Variants in HPGD observed in about 807,000 individuals in gnomAD.
HPGD encodes 15-hydroxyprostaglandin dehydrogenase [NAD(+)].
In HPGD, 29 loss-of-function variants were observed where a neutral mutation model predicts 30.0. The observed-to-expected ratio is 0.97, with a 90% CI of 0.72 to 1.32. The LOEUF is 1.32. Among genes scored for constraint, HPGD ranks in the 40% most tolerant of loss-of-function variants. The pLI, the probability that HPGD is intolerant of heterozygous loss-of-function variation, is 0.00. For missense variants in HPGD, 340 were observed against 322.1 expected, an observed-to-expected ratio of 1.06 and a Z score of -0.43; for synonymous variants, 99 against 112.4, an observed-to-expected ratio of 0.88 and a Z score of 0.75.
chr4:174,491,581 T>A lies in HPGD; in HGVS notation c.*375A>T, dbSNP rs1734346282. ...TGAACTTGTATGTGAGTGTTTTACA[T>A]CTGGTTTGATTTAAATAACAATTCA... On this transcript the variant is annotated 3_prime_UTR_variant, in exon 7 of 7. Transcript: ENST00000296522. 5.1e-6 allele frequency: 1 copy of A among 197,020 alleles called. No individual in the cohort carries two copies. The highest frequency in any genetic ancestry group is 1.1e-5 in the Non-Finnish European group (1 of 94,504). 12.2% of individuals were successfully genotyped at this position (197,020 alleles called of 1,614,324 possible). A position where few individuals can be genotyped will look rare whatever the true frequency, so the allele number is the denominator to read the frequency against.
At chr4:174,516,384 G>A (rs1249808943) in intron 3 of HPGD, among the ~76,000 whole-genome samples, 1 of 152,092 alleles carries the variant, frequency 6.6e-6, no homozygotes, top group Non-Finnish European at 1.5e-5. Flanking sequence ...ATTAATGCAG[G>A]AACAGAAAAT....
In HPGD at chr4:174,508,707, G is replaced by A. The variant is rs777346797; in HGVS notation, c.410C>T (p.Ser137Leu). 4 of 1,592,566 alleles carry A rather than the reference G, an allele frequency of 2.5e-6. No individual in the cohort carries two copies. The highest frequency in any genetic ancestry group is 1.1e-5 in the South Asian group (1 of 90,640). Residue 137 changes from serine (S) to leucine (L), a missense_variant, in exon 4 of 7, where the codon TCA becomes TTA. Coordinates refer to ENST00000296522, the MANE Select transcript of HPGD (RefSeq NM_000860.6). ...ATAATTGCCCTTACCTGCTAAAGAT[G>A]ACATATTGATAATGATGCCGCCTTC... is the stretch of plus-strand genomic sequence containing the variant. ...GGEGGIIINMSSLAGLMPVAQ... is the reference protein window; with the variant it reads ...GGEGGIIINMLSLAGLMPVAQ...
rs1192086009 is a variant in HPGD at position 174,492,607 on chromosome 4, G to A, written c.663-513C>T. ...GTTGTATTATCTCTATTTTATATGT[G>A]AGAAAATTGAAGCATCTAGAGGTAT... is the stretch of plus-strand genomic sequence containing the variant. On this transcript the variant is annotated intron_variant, in intron 6 of 6. Coordinates refer to ENST00000296522, the MANE Select transcript of HPGD (RefSeq NM_000860.6). The surrounding 1 kb of genome is among the most constrained non-coding windows in gnomAD (Gnocchi z 4.9). Among the ~76,000 whole-genome samples the A allele has an allele frequency of 6.6e-6, 1 of 151,960 alleles. No individual in the cohort carries two copies. The highest frequency in any genetic ancestry group is 1.5e-5 in the Non-Finnish European group (1 of 67,904).
intron 4 of HPGD, 129 bp from the exon 5 acceptor site, chr4:174,495,753 A>G: frequency 1.4e-6 from 1 of 721,642 alleles, no homozygotes; most frequent in South Asian, 1.5e-5. Context: ...ACACAGTAAC[A>G]TAAAACCAGA....
intron 3 of HPGD, among the ~76,000 whole-genome samples, chr4:174,511,889 G>A (rs982201130): frequency 2.6e-5 from 4 of 152,048 alleles, no homozygotes; most frequent in Admixed American, 2.0e-4. Context: ...CTTGTGATCC[G>A]CCCGCCTCGG....
intron 2 of HPGD, 58 bp from the exon 3 acceptor site, chr4:174,518,135 T>G: frequency 1.2e-6 from 1 of 850,788 alleles, no homozygotes; most frequent in Non-Finnish European, 2.0e-6. Flanking sequence ...TACATTTAAA[T>G]CATGTCCTAT....
At chr4:174,521,282 T>G (rs2110885741) in intron 2 of HPGD, among the ~76,000 whole-genome samples, 1 of 152,180 alleles carries the variant, frequency 6.6e-6, no homozygotes, top group South Asian at 2.1e-4. Flanking sequence ...GCCAATATTG[T>G]CCCTGATACT....
chr4:174,501,893 G>A (rs776590685), intron 4 of HPGD, among the ~76,000 whole-genome samples: 7 of 152,018 alleles, frequency 4.6e-5, no homozygotes, highest in African/African-American at 1.5e-4. Flanking sequence ...AGGTAAAAAA[G>A]CTCAAAAAGA....
chr4:174,495,455 A>G (rs1010529174), intron 5 of HPGD, 93 bp downstream of exon 5: 6 of 964,168 alleles, frequency 6.2e-6, no homozygotes, highest in Admixed American at 3.5e-5. Context: ...CCTTTCATCC[A>G]AGTGATTTCT....
intron 4 of HPGD, among the ~76,000 whole-genome samples, chr4:174,503,607 G>T (rs926651666): frequency 1.3e-5 from 2 of 152,128 alleles, no homozygotes; most frequent in Non-Finnish European, 2.9e-5. Context: ...AGAGATAGAA[G>T]AAGATGATCA....
In HPGD at chr4:174,495,545, C is replaced by T. The variant is rs745701295; in HGVS notation, c.498+3G>A. The T allele has an allele frequency of 2.5e-6, 4 of 1,607,658 alleles. No homozygotes were observed. The highest frequency in any genetic ancestry group is 3.4e-6 in the Non-Finnish European group (4 of 1,174,370). Reference sequence around the variant, plus strand: ...TGAGATATGACGGTTGTTGTAGCCTCACCGCTGCTGAGCGTGTGAATCCAA... The same window carrying T: ...TGAGATATGACGGTTGTTGTAGCCTTACCGCTGCTGAGCGTGTGAATCCAA... On this transcript the variant is annotated splice_donor_region_variant and intron_variant, in intron 5 of 6. Transcript: ENST00000296522.
At chr4:174,510,803 C>T (rs1208608147) in intron 3 of HPGD, among the ~76,000 whole-genome samples, 2 of 152,094 alleles carry the variant, frequency 1.3e-5, no homozygotes, top group African/African-American at 2.4e-5. Context: ...AGATTATATA[C>T]GCATGTGCAC....
intron 2 of HPGD, among the ~76,000 whole-genome samples, chr4:174,520,665 G>A (rs938868089): frequency 6.6e-6 from 1 of 152,310 alleles, no homozygotes; most frequent in African/African-American, 2.4e-5. Context: ...GTAGTTAAAT[G>A]TCATTTATGA....
chr4:174,505,251 AC>A (rs1337278424), intron 4 of HPGD, among the ~76,000 whole-genome samples: 1 of 152,096 alleles, frequency 6.6e-6, no homozygotes, highest in Non-Finnish European at 1.5e-5. Flanking sequence ...ACAGTGAAGG[AC>A]TCCACTGTAT....
At chr4:174,497,415 G>A (rs151143681) in intron 4 of HPGD, among the ~76,000 whole-genome samples, 10 of 152,156 alleles carry the variant, frequency 6.6e-5, no homozygotes, top group Middle Eastern at 3.4e-3. Flanking sequence ...AGGTGGATTC[G>A]TAAATGCAAC....
In HPGD at chr4:174,495,266, T is replaced by C. The variant is rs1273873603; in HGVS notation, c.498+282A>G. ...AAAGCTGAAGTTAATAATATTTCCA[T>C]TTGGGGTCATTTTTGGAAATAAGTA... On this transcript the variant is annotated intron_variant, in intron 5 of 6. Transcript: ENST00000296522. 16 of 420,554 alleles carry C rather than the reference T, an allele frequency of 3.8e-5. No individual in the cohort carries two copies. The South Asian group carries it at 3.9e-4, about 10-fold the overall frequency. 26.1% of individuals were successfully genotyped at this position (420,554 alleles called of 1,614,324 possible).
intron 3 of HPGD, among the ~76,000 whole-genome samples, chr4:174,511,621 A>G (rs1457687706): frequency 6.6e-6 from 1 of 152,126 alleles, no homozygotes; most frequent in Non-Finnish European, 1.5e-5. Flanking sequence ...GCAAAGACTC[A>G]TTCTTTCCTG....
At chr4:174,515,660 G>T (rs1361015455) in intron 3 of HPGD, among the ~76,000 whole-genome samples, 1 of 151,922 alleles carries the variant, frequency 6.6e-6, no homozygotes, top group African/African-American at 2.4e-5. Flanking sequence ...CACAGCAAAA[G>T]AAACTATCAA....
chr4:174,500,805 G>C (rs186393308), intron 4 of HPGD, among the ~76,000 whole-genome samples: 80 of 152,274 alleles, frequency 5.3e-4, no homozygotes, highest in African/African-American at 1.8e-3. Flanking sequence ...TGATATTATA[G>C]TGGTAGATAT....
Sources: allele counts gnomAD v4.1 joint callset (sites outside exome capture counted in the v4.1 genomes callset), GRCh38; gene constraint gnomAD v4.1.1; non-coding constraint Gnocchi (gnomAD v3.1); transcripts MANE v1.5; gene names NCBI Gene and HGNC (gene_info 2026-07-23, HGNC 2026-07-21).